The following SCUBE1 variants were observed in gnomAD, a reference collection of about 807,000 sequenced individuals.
The protein encoded by SCUBE1 is signal peptide, CUB and EGF-like domain-containing protein 1.
In SCUBE1, 59 loss-of-function variants were observed where a neutral mutation model predicts 124.4. The observed-to-expected ratio is 0.47, with a 90% CI of 0.38 to 0.59. The LOEUF (loss-of-function observed/expected upper bound fraction) is 0.59. Ranked by LOEUF, SCUBE1 falls within the 20% of genes least tolerant of loss-of-function variation. The pLI is 0.00. For synonymous variants in SCUBE1, 545 were observed against 550.9 expected, an observed-to-expected ratio of 0.99 and a Z score of 0.15; for missense variants, 1,150 against 1,371.2, an observed-to-expected ratio of 0.84 and a Z score of 2.55.
chr22:43,258,413 C>T lies in SCUBE1; in HGVS notation c.611-78G>A, dbSNP rs1479812943. 3 of 1,090,222 alleles carry T rather than the reference C, an allele frequency of 2.8e-6. No homozygotes were observed. The highest frequency in any genetic ancestry group is 2.8e-6 in the Non-Finnish European group (2 of 706,252). 67.5% of individuals were successfully genotyped at this position (1,090,222 alleles called of 1,614,324 possible). A position where few individuals can be genotyped will look rare whatever the true frequency, so the allele number is the denominator to read the frequency against. ...GTTAGTTTGCCGGTGTTGGCGGCTG[C>T]CTTCAGGGTATGGGGAAACTGAGGC... On this transcript the variant is annotated intron_variant, in intron 5 of 21. Coordinates refer to ENST00000360835, the MANE Select transcript of SCUBE1 (RefSeq NM_173050.5). The surrounding 1 kb of genome is among the most constrained non-coding windows in gnomAD (Gnocchi z 5.0).
rs1045872194 is a variant in SCUBE1 at position 43,201,163 on chromosome 22, G to C, written c.*2834C>G. On this transcript the variant is annotated 3_prime_UTR_variant, in exon 22 of 22. Coordinates refer to ENST00000360835, the MANE Select transcript of SCUBE1 (RefSeq NM_173050.5). ...CTAAAAATACAAAAAAATTAGCCGG[G>C]CAAGGTGGTGGGTGCCTGTAGTCCC... 2.6e-5 allele frequency: 4 copies of C among 151,726 alleles called. No individual in the cohort carries two copies. In the East Asian group the frequency reaches 7.8e-4, roughly 29 times the overall value. The allele number at this position is 151,726 out of a possible 1,614,324, so 9.4% of individuals were successfully genotyped here. A position where few individuals can be genotyped will look rare whatever the true frequency, so the allele number is the denominator to read the frequency against.
chr22:43,306,571 T>C (rs1925976934), intron 3 of SCUBE1, among the ~76,000 whole-genome samples: 1 of 151,860 alleles, frequency 6.6e-6, no homozygotes, highest in African/African-American at 2.4e-5. Context: ...AAGGGGAAGG[T>C]GGCCTCATAC....
intron 5 of SCUBE1, among the ~76,000 whole-genome samples, chr22:43,259,152 A>C (rs1398044912): frequency 6.6e-6 from 1 of 152,170 alleles, no homozygotes; most frequent in Non-Finnish European, 1.5e-5. Flanking sequence ...ATTTAAACAC[A>C]TGGTCCATTT....
At chr22:43,208,624 G>T (rs1921399414) in intron 19 of SCUBE1, among the ~76,000 whole-genome samples, 1 of 152,176 alleles carries the variant, frequency 6.6e-6, no homozygotes, top group African/African-American at 2.4e-5. Flanking sequence ...AGTGGAAGCT[G>T]GGGGAGGACG....
Position 43,311,658 on chromosome 22 carries a change from C to T in SCUBE1, c.349+8279G>A, listed in dbSNP as rs1387077690. The stretch of plus-strand genomic sequence containing the variant: ...GTCAGGCTGGTCTCGAACTCCTGAC[C>T]TCATGTGATCCACCCGCCTCGGTCT... On this transcript the variant is annotated intron_variant, in intron 3 of 21. Transcript: ENST00000360835. Among the ~76,000 whole-genome samples, 3 of 151,878 alleles carry T rather than the reference C, an allele frequency of 2.0e-5. No individual in the cohort carries two copies. The East Asian group carries it at 5.8e-4, about 29-fold the overall frequency.
In SCUBE1 at chr22:43,262,789, G is replaced by C. The variant is rs1173878556; in HGVS notation, c.541C>G (p.Pro181Ala). ...HGCAHICRET[P>A]KGGVACDCRP... is the part of the protein sequence containing the mutation. ...CAGTCGCAGGCCACCCCACCTTTGGGCGTCTCCCGGCAGATGTGGGCACAG... is the reference window on the plus strand; with the variant it reads ...CAGTCGCAGGCCACCCCACCTTTGGCCGTCTCCCGGCAGATGTGGGCACAG... The change falls in exon 5 of 22, where the codon CCC (proline) becomes GCC (alanine). Residue 181 changes from proline (P) to alanine (A), a missense_variant. Around this residue, in one of 3 missense-constraint regions of SCUBE1, gnomAD observed 337 missense variants for 482.1 expected, o/e 0.70. Coordinates refer to ENST00000360835, the MANE Select transcript of SCUBE1 (RefSeq NM_173050.5). 1.2e-6 allele frequency: 2 copies of C among 1,614,224 alleles called. No homozygotes were observed. The highest frequency in any genetic ancestry group is 1.7e-6 in the Non-Finnish European group (2 of 1,180,034).
At chr22:43,205,819 ACT>A (rs1212356607) in intron 21 of SCUBE1, among the ~76,000 whole-genome samples, 1 of 41,522 alleles carries the variant, frequency 2.4e-5, no homozygotes. Context: ...CCCACTCACC[ACT>A]CACCCCCACA....
intron 1 of SCUBE1, among the ~76,000 whole-genome samples, chr22:43,341,920 C>T (rs931258193): frequency 1.3e-5 from 2 of 152,050 alleles, no homozygotes; most frequent in Non-Finnish European, 2.9e-5. Context: ...CGCCCAGGAA[C>T]AGTCACTCAG....
At position 43,238,807 on chromosome 22, in the gene SCUBE1, C is replaced by A. The variant is rs769763710; in HGVS notation, c.844+31G>T. On this transcript the variant is annotated intron_variant, in intron 7 of 21. Coordinates refer to ENST00000360835, the MANE Select transcript of SCUBE1 (RefSeq NM_173050.5). ...AGGCTCTTGGCCAGGCCAGTACAGGCAGGGGCACCCACACAGCTCCACATG... is the reference window on the plus strand; with the variant it reads ...AGGCTCTTGGCCAGGCCAGTACAGGAAGGGGCACCCACACAGCTCCACATG... 13 of 1,569,192 alleles carry A rather than the reference C, an allele frequency of 8.3e-6. No individual in the cohort carries two copies. In the African/African-American group the frequency reaches 1.8e-4, roughly 21 times the overall value.
intron 3 of SCUBE1, among the ~76,000 whole-genome samples, chr22:43,298,566 A>C (rs1601870992): frequency 1.3e-5 from 2 of 152,292 alleles, no homozygotes; most frequent in South Asian, 4.1e-4. Context: ...TGCTCTCCGC[A>C]ACCTGAGTCC....
At chr22:43,207,102 C>A (rs772470391) in intron 21 of SCUBE1, among the ~76,000 whole-genome samples, 1 of 152,170 alleles carries the variant, frequency 6.6e-6, no homozygotes. Context: ...ACACACCAGG[C>A]GGCCCTGCCT....
At chr22:43,204,218 C>T (rs1158116223) in intron 21 of SCUBE1, 69 bp from the exon 22 acceptor site, 6 of 1,455,638 alleles carry the variant, frequency 4.1e-6, no homozygotes, top group Non-Finnish European at 5.7e-6. Flanking sequence ...TGTTGCCAGG[C>T]TGGGGGAGGG....
Position 43,237,393 on chromosome 22 carries a change from C to T in SCUBE1, c.844+1445G>A, listed in dbSNP as rs184736346. ...ATTAAGCTCTGCCTGCCCCTCTGGC[C>T]CTCCGAAGGCAAATGCTGGCAGGCT... On this transcript the variant is annotated intron_variant, in intron 7 of 21. Coordinates refer to ENST00000360835, the MANE Select transcript of SCUBE1 (RefSeq NM_173050.5). Among the ~76,000 whole-genome samples the T allele has an allele frequency of 1.5e-3, 225 of 152,332 alleles. 1 individual carries two copies. The highest frequency in any genetic ancestry group is 3.7e-3 in the Admixed American group (57 of 15,308).
intron 3 of SCUBE1, among the ~76,000 whole-genome samples, chr22:43,305,417 G>C (rs1029197719): frequency 1.3e-5 from 2 of 152,200 alleles, no homozygotes; most frequent in African/African-American, 4.8e-5. Context: ...CAAGGGAGCA[G>C]AATGCAGGGA....
chr22:43,212,623 C>T, intron 16 of SCUBE1, 31 bp from the exon 17 acceptor site: 1 of 1,550,314 alleles, frequency 6.5e-7, no homozygotes, highest in African/African-American at 1.4e-5. Flanking sequence ...CTCAGGCGGG[C>T]AGGAGGGCAC....
Position 43,258,376 on chromosome 22 carries a change from A to G in SCUBE1, c.611-41T>C, listed in dbSNP as rs373875589. 6.9e-7 allele frequency: 1 copy of G among 1,444,506 alleles called. No individual in the cohort carries two copies. Among genetic ancestry groups the G allele is most frequent in the Non-Finnish European group, 9.8e-7 (1 of 1,025,614 alleles). 89.5% of individuals were successfully genotyped at this position (1,444,506 alleles called of 1,614,324 possible). On this transcript the variant is annotated intron_variant, in intron 5 of 21. Transcript: ENST00000360835. This position sits in a 1 kb window ranked among gnomAD's most constrained non-coding sequence, Gnocchi z 5.0. ...GTGTACACACGGGTGTATAAACAGA[A>G]CAACAAAAACGGTTAGTTTGCCGGT...
chr22:43,297,992 A>T (rs1326636243), intron 3 of SCUBE1, among the ~76,000 whole-genome samples: 1 of 151,912 alleles, frequency 6.6e-6, no homozygotes, highest in Non-Finnish European at 1.5e-5. Context: ...TAGGAAGCGA[A>T]CTCCACCTCC....
chr22:43,327,786 CAAATA>C (rs962883204), intron 2 of SCUBE1, among the ~76,000 whole-genome samples: 1 of 151,724 alleles, frequency 6.6e-6, no homozygotes. Context: ...GACTCTGTCT[CAAATA>C]AAATAAAATA....
intron 11 of SCUBE1, 58 bp downstream of exon 11, chr22:43,223,039 C>G (rs1922159971): frequency 6.7e-7 from 1 of 1,494,466 alleles, no homozygotes; most frequent in Admixed American, 2.4e-5. Flanking sequence ...AATGGTGGGA[C>G]CCCAGGGAGG....
Sources: gnomAD v4.1 joint callset for allele counts (sites outside exome capture counted in the v4.1 genomes callset) on GRCh38, gnomAD v4.1.1 for gene constraint, gnomAD v4.1.1 regional missense constraint, Gnocchi (gnomAD v3.1) non-coding constraint, MANE v1.5 for transcripts, NCBI Gene and HGNC (gene_info 2026-07-23, HGNC 2026-07-21) for gene names.